PLCB4: variants seen among roughly 807,000 people sequenced by gnomAD.
The protein encoded by PLCB4 is 1-phosphatidylinositol 4,5-bisphosphate phosphodiesterase beta-4.
Under a neutral mutation model 178.8 loss-of-function variants are expected in PLCB4, and 77 were observed. That is an observed-to-expected ratio of 0.43 (90% CI 0.36 to 0.52). The LOEUF (loss-of-function observed/expected upper bound fraction) is 0.52. PLCB4 is among the 20% of genes least tolerant of loss of function. The pLI, the probability that PLCB4 is intolerant of heterozygous loss-of-function variation, is 0.00. For missense variants in PLCB4, 1,024 were observed against 1,453.4 expected, an observed-to-expected ratio of 0.70 and a Z score of 4.80; for synonymous variants, 496 against 490.8, an observed-to-expected ratio of 1.01 and a Z score of -0.14.
At chr20:9,409,889 A>G (rs1324017297) in intron 24 of PLCB4, among the ~76,000 whole-genome samples, 4 of 152,220 alleles carry the variant, frequency 2.6e-5, no homozygotes, top group Non-Finnish European at 5.9e-5. Context: ...GAAATAGAAT[A>G]GATAGAAATA....
chr20:9,392,209 C>T (rs192646387), intron 17 of PLCB4, among the ~76,000 whole-genome samples: 4 of 152,224 alleles, frequency 2.6e-5, no homozygotes, highest in African/African-American at 4.8e-5. Flanking sequence ...AACAAAGAAT[C>T]GGACAAAATG....
chr20:9,123,406 C>G (rs2092021372), intron 2 of PLCB4, among the ~76,000 whole-genome samples: 1 of 130,648 alleles, frequency 7.7e-6, no homozygotes, highest in African/African-American at 2.9e-5. Context: ...TTAAGAAACT[C>G]CTGGAAATCT....
chr20:9,207,446 C>A (rs2093626888), intron 2 of PLCB4, among the ~76,000 whole-genome samples: 1 of 152,194 alleles, frequency 6.6e-6, no homozygotes, highest in Non-Finnish European at 1.5e-5. Context: ...TCATTGAAAG[C>A]AAATCTGCCT....
At chr20:9,203,767 TG>T (rs2093579643) in intron 2 of PLCB4, among the ~76,000 whole-genome samples, 1 of 147,742 alleles carries the variant, frequency 6.8e-6, no homozygotes, top group Non-Finnish European at 1.5e-5. Context: ...AGGCTCCATT[TG>T]GGAATAGTGT....
chr20:9,392,849 A>G (rs1018662485), intron 17 of PLCB4, among the ~76,000 whole-genome samples: 7 of 146,566 alleles, frequency 4.8e-5, no homozygotes, highest in African/African-American at 1.7e-4. Context: ...AGTGCCTTAC[A>G]TATAATAAGT....
intron 3 of PLCB4, among the ~76,000 whole-genome samples, chr20:9,270,331 A>G (rs2094390868): frequency 1.3e-5 from 2 of 152,110 alleles, no homozygotes; most frequent in South Asian, 4.1e-4. Context: ...GTTTGTCTGT[A>G]TTCCAGCTCT....
chr20:9,135,294 C>T (rs2092359845), intron 2 of PLCB4, among the ~76,000 whole-genome samples: 2 of 151,860 alleles, frequency 1.3e-5, no homozygotes, highest in East Asian at 1.9e-4. Flanking sequence ...ACAAACTAAC[C>T]CCCAAACAAA....
intron 2 of PLCB4, among the ~76,000 whole-genome samples, chr20:9,097,098 C>G (rs1294138792): frequency 6.6e-6 from 1 of 151,888 alleles, no homozygotes; most frequent in Non-Finnish European, 1.5e-5. Context: ...CCACACCCAG[C>G]TAATTTTTGT....
chr20:9,387,630 A>G (rs777050579), intron 15 of PLCB4, 74 bp downstream of exon 15: 1 of 663,876 alleles, frequency 1.5e-6, no homozygotes, highest in Non-Finnish European at 2.6e-6. Context: ...TGGAGAAGAG[A>G]AAACAAATGA....
In PLCB4 at chr20:9,365,485, C is replaced by T. The variant is rs760064354; in HGVS notation, c.474C>T (p.Thr158=). The change falls in exon 9 of 40, where the codon ACC becomes ACT. Residue 158 remains threonine (T), a synonymous_variant. Transcript: ENST00000378473. ...KKHWMKLAFM[T]NTNGKIPVRS... Reference sequence around the variant, plus strand: ...GCTGGATGAAATTGGCATTTATGACCAACACAAATGGTAAAATTCCAGTTA... The same window carrying T: ...GCTGGATGAAATTGGCATTTATGACTAACACAAATGGTAAAATTCCAGTTA... 1.2e-6 allele frequency: 2 copies of T among 1,607,938 alleles called. No individual in the cohort carries two copies. Among genetic ancestry groups the T allele is most frequent in the South Asian group, 1.1e-5 (1 of 90,700 alleles).
chr20:9,330,929 C>T (rs751012532), intron 4 of PLCB4, among the ~76,000 whole-genome samples: 4 of 152,142 alleles, frequency 2.6e-5, no homozygotes, highest in African/African-American at 4.8e-5. Context: ...CTCATAAGTA[C>T]GACCATTTAG....
intron 1 of PLCB4, among the ~76,000 whole-genome samples, chr20:9,073,823 G>A (rs1373513942): frequency 6.6e-6 from 1 of 152,092 alleles, no homozygotes; most frequent in Admixed American, 6.5e-5. Context: ...AAGAGTTCAA[G>A]GTTATAGTAA....
intron 2 of PLCB4, among the ~76,000 whole-genome samples, chr20:9,159,296 G>A (rs890377259): frequency 6.6e-6 from 1 of 152,134 alleles, no homozygotes; most frequent in African/African-American, 2.4e-5. Flanking sequence ...ACATCAGAGA[G>A]CTTTAAGCTT....
Position 9,387,443 on chromosome 20 carries a change from TA to T in PLCB4, c.1065-18del. 8.1e-7 allele frequency: 1 copy of T among 1,238,414 alleles called. No individual in the cohort carries two copies. Among genetic ancestry groups the T allele is most frequent in the Non-Finnish European group, 1.2e-6 (1 of 858,406 alleles). 76.7% of individuals were successfully genotyped at this position (1,238,414 alleles called of 1,614,324 possible). On this transcript the variant is annotated intron_variant, in intron 14 of 39. Transcript: ENST00000378473. ...ATTTCATTGTAAAGTTTCAATATTG[TA>T]ACTTCACTATATCCCTAGATGTGTT...
intron 1 of PLCB4, among the ~76,000 whole-genome samples, chr20:9,082,518 A>G (rs2090203512): frequency 6.6e-6 from 1 of 152,094 alleles, no homozygotes; most frequent in South Asian, 2.1e-4. Context: ...GATTTCACAG[A>G]TTTCTTTTAG....
At chr20:9,113,348 A>G (rs2091654087) in intron 2 of PLCB4, among the ~76,000 whole-genome samples, 1 of 152,122 alleles carries the variant, frequency 6.6e-6, no homozygotes, top group East Asian at 1.9e-4. Flanking sequence ...TTCTTTGAGA[A>G]CCTCACTGTG....
At chr20:9,395,986 G>T (rs1219183393) in intron 19 of PLCB4, among the ~76,000 whole-genome samples, 1 of 152,134 alleles carries the variant, frequency 6.6e-6, no homozygotes, top group Non-Finnish European at 1.5e-5. Context: ...AAAAATAAAT[G>T]AGTAAGAAAA....
chr20:9,177,460 A>G (rs1008277230), intron 2 of PLCB4, among the ~76,000 whole-genome samples: 1 of 152,160 alleles, frequency 6.6e-6, no homozygotes, highest in African/African-American at 2.4e-5. Flanking sequence ...AATTTCAGTG[A>G]CTCATCTCTT....
At chr20:9,369,881 G>T (rs1196511468) in intron 9 of PLCB4, among the ~76,000 whole-genome samples, 1 of 152,180 alleles carries the variant, frequency 6.6e-6, no homozygotes, top group Non-Finnish European at 1.5e-5. Context: ...GCTCACAGGG[G>T]AGGCATTCCA....
Sources: allele counts gnomAD v4.1 joint callset (sites outside exome capture counted in the v4.1 genomes callset), GRCh38; gene constraint gnomAD v4.1.1; transcripts MANE v1.5; gene names NCBI Gene and HGNC (gene_info 2026-07-23, HGNC 2026-07-21).